PCCA: variants seen among roughly 807,000 people sequenced by gnomAD.
The protein encoded by PCCA is propionyl-CoA carboxylase subunit alpha, also known as propionyl-CoA carboxylase alpha chain, mitochondrial.
In PCCA, 74 loss-of-function variants were observed where a neutral mutation model predicts 101.3. That is an observed-to-expected ratio of 0.73 (90% CI 0.61 to 0.89). PCCA has a LOEUF of 0.89. PCCA is among the 40% of genes least tolerant of loss of function. The pLI is 0.00. For synonymous variants in PCCA, 294 were observed against 313.6 expected, an observed-to-expected ratio of 0.94 and a Z score of 0.66; for missense variants, 891 against 907.0, an observed-to-expected ratio of 0.98 and a Z score of 0.23.
rs577970157 is a variant in PCCA at position 100,357,101 on chromosome 13, G to A, written c.1644-11371G>A. 9.9e-5 allele frequency among the ~76,000 whole-genome samples: 15 copies of A among 152,272 alleles called. No homozygotes were observed. In the East Asian group the frequency reaches 2.5e-3, roughly 26 times the overall value. On this transcript the variant is annotated intron_variant, in intron 18 of 23. Transcript: ENST00000376285. ...GTTTCCCTTATGAGGCAATGAAAAC[G>A]TTTTAAAGTTGCTTGTGGGGATGGT... is the stretch of plus-strand genomic sequence containing the variant.
At chr13:100,330,757 T>C (rs1461680628) in intron 17 of PCCA, 86 bp downstream of exon 17, 2 of 810,682 alleles carry the variant, frequency 2.5e-6, no homozygotes, top group East Asian at 5.4e-5. Flanking sequence ...TATTTTGAAA[T>C]TAAGGCCTTT....
At chr13:100,444,039 T>C (rs2152920216) in intron 20 of PCCA, among the ~76,000 whole-genome samples, 1 of 152,252 alleles carries the variant, frequency 6.6e-6, no homozygotes, top group East Asian at 1.9e-4. Context: ...GTACAAGATC[T>C]GACCTGGGTT....
chr13:100,119,311 CAT>C (rs550935531), intron 4 of PCCA, among the ~76,000 whole-genome samples: 255 of 152,116 alleles, frequency 1.7e-3, no homozygotes, highest in African/African-American at 5.9e-3. Context: ...TTCCTCATAA[CAT>C]ATTGTTTCCT....
At position 100,229,708 on chromosome 13, in the gene PCCA, C is replaced by T. The variant is rs140507982; in HGVS notation, c.601-6134C>T. Among the ~76,000 whole-genome samples the T allele has an allele frequency of 2.7e-3, 417 of 152,324 alleles. 6 individuals are homozygous for T. In the South Asian group the frequency reaches 0.028, roughly 10 times the overall value. On this transcript the variant is annotated intron_variant, in intron 7 of 23. Coordinates refer to ENST00000376285, the MANE Select transcript of PCCA (RefSeq NM_000282.4). ...TGTTCCAGCCAATGGAAACCGGACA[C>T]AGCAGTAGGGTGGGCGCCTCAGGTT...
rs1244801961 is a variant in PCCA, at chr13:100,112,540, G to A, written c.300+479G>A. ...ACAAAAGAAGGTTTAGCATAAAGCA[G>A]ATATACTTTTATTTGGTACTTTTAA... On this transcript the variant is annotated intron_variant, in intron 4 of 23. Transcript: ENST00000376285. Among the ~76,000 whole-genome samples, 11 of 148,336 alleles carry A rather than the reference G, an allele frequency of 7.4e-5. No individual in the cohort carries two copies. In the South Asian group the frequency reaches 1.9e-3, roughly 26 times the overall value.
Position 100,309,909 on chromosome 13 carries a change from G to C in PCCA, c.1429+1G>C, listed in dbSNP as rs771719299. 1 of 1,607,072 alleles carries C rather than the reference G, an allele frequency of 6.2e-7. No individual in the cohort carries two copies. Among genetic ancestry groups the C allele is most frequent in the Admixed American group, 1.7e-5 (1 of 59,986 alleles). Reference sequence around the variant, plus strand: ...GCACTGGATAACTATGTTATTCGAGGTAAAAACAAAGATTTGCACTCGTTG... The same window carrying C: ...GCACTGGATAACTATGTTATTCGAGCTAAAAACAAAGATTTGCACTCGTTG... On this transcript the variant is annotated splice_donor_variant, in intron 16 of 23. Coordinates refer to ENST00000376285, the MANE Select transcript of PCCA (RefSeq NM_000282.4). LOFTEE classifies it high-confidence loss of function.
chr13:100,220,562 C>T (rs537165269), intron 7 of PCCA, among the ~76,000 whole-genome samples: 2 of 152,182 alleles, frequency 1.3e-5, no homozygotes, highest in South Asian at 2.1e-4. Flanking sequence ...TGTGCCACCG[C>T]GCCCCGTCAT....
At chr13:100,258,650 CTT>C (rs2062238628) in intron 9 of PCCA, among the ~76,000 whole-genome samples, 1 of 152,074 alleles carries the variant, frequency 6.6e-6, no homozygotes, top group African/African-American at 2.4e-5. Flanking sequence ...GCGGATTACT[CTT>C]TATAGTTTCT....
At chr13:100,190,121 T>C (rs573449693) in intron 6 of PCCA, among the ~76,000 whole-genome samples, 1 of 152,318 alleles carries the variant, frequency 6.6e-6, no homozygotes, top group African/African-American at 2.4e-5. Context: ...GACTAATTAA[T>C]ATGATACAAT....
intron 21 of PCCA, chr13:100,464,546 C>T (rs921666951): frequency 1.3e-5 from 2 of 152,154 alleles, no homozygotes; most frequent in East Asian, 3.8e-4. Context: ...ATAGTCTCCA[C>T]CGAGTCTTCA....
chr13:100,223,035 T>G (rs2059914793), intron 7 of PCCA, among the ~76,000 whole-genome samples: 1 of 152,382 alleles, frequency 6.6e-6, no homozygotes, highest in Non-Finnish European at 1.5e-5. Context: ...AATCGTTTGG[T>G]ATCAAGTATT....
intron 18 of PCCA, among the ~76,000 whole-genome samples, chr13:100,352,622 G>T (rs1235632639): frequency 6.6e-6 from 1 of 151,864 alleles, no homozygotes; most frequent in Admixed American, 6.6e-5. Context: ...TCGAACTCCT[G>T]GGCTCAAGTG....
intron 12 of PCCA, among the ~76,000 whole-genome samples, chr13:100,297,759 G>A (rs2065668350): frequency 3.9e-5 from 6 of 152,130 alleles, no homozygotes; most frequent in Admixed American, 1.3e-4. Context: ...GGCATGAGAT[G>A]TTATAAGGCA....
At chr13:100,098,261 C>G (rs1011284826) in intron 1 of PCCA, among the ~76,000 whole-genome samples, 6 of 152,188 alleles carry the variant, frequency 3.9e-5, no homozygotes, top group Admixed American at 1.3e-4. Flanking sequence ...TTAATATATT[C>G]AAATATTCAA....
At chr13:100,331,883 T>TG (rs1555422808) in intron 17 of PCCA, among the ~76,000 whole-genome samples, 3 of 69,890 alleles carry the variant, frequency 4.3e-5, no homozygotes, top group African/African-American at 4.5e-5. Flanking sequence ...GTTGAATTAA[T>TG]GAAAAAAAAA....
At chr13:100,495,693 C>A (rs546768093) in intron 21 of PCCA, among the ~76,000 whole-genome samples, 1 of 152,204 alleles carries the variant, frequency 6.6e-6, no homozygotes, top group African/African-American at 2.4e-5. Context: ...CTCTGTGTAA[C>A]CACTGACTTC....
At chr13:100,265,510 T>C (rs967002084) in intron 10 of PCCA, among the ~76,000 whole-genome samples, 1 of 152,158 alleles carries the variant, frequency 6.6e-6, no homozygotes, top group Non-Finnish European at 1.5e-5. Flanking sequence ...TTAGGTTCTT[T>C]GAATTTCCGT....
chr13:100,508,815 T>TG lies in PCCA; in HGVS notation c.1900-6606dup, dbSNP rs554088007. Among the ~76,000 whole-genome samples, 33 of 152,220 alleles carry TG rather than the reference T, an allele frequency of 2.2e-4. No homozygotes were observed. In the South Asian group the frequency reaches 6.6e-3, roughly 31 times the overall value. Reference sequence around the variant, plus strand: ...ATTTGTGTTGCCTTAATGCTTGGGGTGGGGGGTTCAGGCTATTTATTGTGC... The same window carrying TG: ...ATTTGTGTTGCCTTAATGCTTGGGGTGGGGGGGTTCAGGCTATTTATTGTGC... On this transcript the variant is annotated intron_variant, in intron 21 of 23. Transcript: ENST00000376285.
At chr13:100,243,252 C>T (rs973429095) in intron 8 of PCCA, among the ~76,000 whole-genome samples, 6 of 152,116 alleles carry the variant, frequency 3.9e-5, no homozygotes, top group Non-Finnish European at 7.3e-5. Context: ...ATTTCTAATA[C>T]TTAATGCTTG....
Sources: allele counts gnomAD v4.1 joint callset (sites outside exome capture counted in the v4.1 genomes callset), GRCh38; gene constraint gnomAD v4.1.1; transcripts MANE v1.5; gene names NCBI Gene and HGNC (gene_info 2026-07-23, HGNC 2026-07-21).